Variants in MCTP1 observed in about 807,000 individuals in gnomAD.
MCTP1 encodes the protein multiple C2 and transmembrane domain containing 1.
In MCTP1, 69 loss-of-function variants were observed where a neutral mutation model predicts 120.6. The ratio of observed to expected loss-of-function variants is 0.57; its 90% confidence interval spans 0.47 to 0.70. The LOEUF (loss-of-function observed/expected upper bound fraction) is 0.70, where lower values mean the gene tolerates loss of function less well. MCTP1 is among the 30% of genes least tolerant of loss of function. The probability of loss-of-function intolerance (pLI) is 0.00; values close to 1 mark genes in which losing one functional copy is unlikely to be tolerated. For synonymous variants in MCTP1, 529 were observed against 493.1 expected (o/e 1.07, Z -0.96); for missense variants, 1,203 against 1,248.8 (o/e 0.96, Z 0.55).
At chr5:94,825,602 T>C (rs954058974) in intron 17 of MCTP1, among the ~76,000 whole-genome samples, 1 of 152,082 alleles carries the variant, frequency 6.6e-6, no homozygotes, top group African/African-American at 2.4e-5. Context: ...CCCTGTTAAT[T>C]TTCTGTCTCG....
At chr5:94,932,536 C>T (rs893033910) in intron 5 of MCTP1, among the ~76,000 whole-genome samples, 3 of 151,968 alleles carry the variant, frequency 2.0e-5, no homozygotes, top group African/African-American at 7.2e-5. Context: ...GAAAGCATAT[C>T]CTTTAAATTA....
intron 2 of MCTP1, among the ~76,000 whole-genome samples, chr5:94,957,808 C>G (rs1481713839): frequency 6.6e-6 from 1 of 152,188 alleles, no homozygotes; most frequent in African/African-American, 2.4e-5. Flanking sequence ...TAGACTCCCA[C>G]ACAATAATAG....
intron 1 of MCTP1, among the ~76,000 whole-genome samples, chr5:95,228,925 A>G (rs1392023925): frequency 1.3e-5 from 2 of 152,180 alleles, no homozygotes; most frequent in Non-Finnish European, 2.9e-5. Flanking sequence ...TGCTTCCTGT[A>G]CAGCGTGAAG....
At chr5:94,993,824 C>T (rs1400868270) in intron 2 of MCTP1, among the ~76,000 whole-genome samples, 1 of 152,130 alleles carries the variant, frequency 6.6e-6, no homozygotes, top group Non-Finnish European at 1.5e-5. Flanking sequence ...ATAAAATGTT[C>T]TTGGGAGTGA....
At chr5:94,926,416 A>T (rs1249193299) in intron 6 of MCTP1, among the ~76,000 whole-genome samples, 1 of 151,420 alleles carries the variant, frequency 6.6e-6, no homozygotes, top group African/African-American at 2.4e-5. Flanking sequence ...AATCATGTAT[A>T]TAAACTTTCC....
At chr5:94,757,306 C>A (rs10066070) in intron 19 of MCTP1, among the ~76,000 whole-genome samples, 7 of 151,908 alleles carry the variant, frequency 4.6e-5, no homozygotes, top group African/African-American at 1.7e-4. Flanking sequence ...CTTAGATAAA[C>A]GGAAAGAACA....
At chr5:94,903,097 T>G (rs1714767322) in intron 10 of MCTP1, among the ~76,000 whole-genome samples, 1 of 152,212 alleles carries the variant, frequency 6.6e-6, no homozygotes, top group South Asian at 2.1e-4. Flanking sequence ...AACTCCATTC[T>G]TTATTTAAAT....
chr5:95,078,031 TATCCATCCATCC>T (rs1011387309), intron 1 of MCTP1, among the ~76,000 whole-genome samples: 1 of 139,460 alleles, frequency 7.2e-6, no homozygotes, highest in Admixed American at 7.3e-5. Context: ...ATCATCCATC[TATCCATCCATCC>T]ATCCATCCAT....
In MCTP1 at chr5:94,755,138, C is replaced by T. The variant is rs773619330; in HGVS notation, c.2610+23972G>A. ...AGCCTCCCATCCTAACATTCACACT[C>T]ATAGCAGGTGACCATTTCTTTGTTT... On this transcript the variant is annotated intron_variant, in intron 19 of 22. Coordinates refer to ENST00000515393, the MANE Select transcript of MCTP1 (RefSeq NM_024717.7). Among the ~76,000 whole-genome samples the T allele has an allele frequency of 1.6e-4, 25 of 152,166 alleles. 1 individual carries two copies. The highest frequency in any genetic ancestry group is 1.6e-3 in the Admixed American group (24 of 15,268).
chr5:94,999,969 G>A (rs377662160), intron 2 of MCTP1, among the ~76,000 whole-genome samples: 23 of 152,304 alleles, frequency 1.5e-4, no homozygotes, highest in African/African-American at 4.3e-4. Context: ...GGACAGTGAA[G>A]CAGTCTTGGA....
At chr5:94,860,748 G>C (rs1795623852) in intron 17 of MCTP1, among the ~76,000 whole-genome samples, 1 of 151,384 alleles carries the variant, frequency 6.6e-6, no homozygotes. Context: ...CTTGAGCTGG[G>C]GCGGGGGGGA....
intron 1 of MCTP1, among the ~76,000 whole-genome samples, chr5:95,227,440 C>T (rs1394189054): frequency 6.6e-6 from 1 of 152,030 alleles, no homozygotes; most frequent in Non-Finnish European, 1.5e-5. Flanking sequence ...CGATGAAACC[C>T]AAGACAAAGC....
intron 17 of MCTP1, among the ~76,000 whole-genome samples, chr5:94,806,128 C>A (rs1160774891): frequency 1.3e-5 from 2 of 151,704 alleles, no homozygotes; most frequent in Admixed American, 1.3e-4. Context: ...TTTTTTCCCA[C>A]CATCTTACAC....
At chr5:95,169,656 T>C (rs1673622530) in intron 1 of MCTP1, among the ~76,000 whole-genome samples, 1 of 152,158 alleles carries the variant, frequency 6.6e-6, no homozygotes, top group Admixed American at 6.6e-5. Flanking sequence ...TTATCCATTT[T>C]TTCTAGATTT....
In MCTP1 at chr5:95,144,061, C is replaced by G. The variant is rs990563582; in HGVS notation, c.721-126577G>C. ...GAGTTCCCTTTTCTCTGCAGCCTAA[C>G]CAGCATCTACTATCTTTTGACTTTT... On this transcript the variant is annotated intron_variant, in intron 1 of 22. Transcript: ENST00000515393. Among the ~76,000 whole-genome samples the G allele has an allele frequency of 2.6e-5, 4 of 152,152 alleles. No individual in the cohort carries two copies. The East Asian group carries it at 7.7e-4, about 29-fold the overall frequency.
chr5:95,196,811 A>C (rs928434355), intron 1 of MCTP1, among the ~76,000 whole-genome samples: 2 of 152,340 alleles, frequency 1.3e-5, no homozygotes, highest in East Asian at 3.9e-4. Context: ...GAATCATTGA[A>C]TAGAATCACC....
chr5:95,081,760 T>C (rs1673817107), intron 1 of MCTP1: 1 of 1,163,066 alleles, frequency 8.6e-7, no homozygotes, highest in Admixed American at 4.4e-5. Flanking sequence ...TTAGTACAGA[T>C]TACATAACAA....
At chr5:94,966,722 G>A (rs1056684848) in intron 2 of MCTP1, among the ~76,000 whole-genome samples, 28 of 151,946 alleles carry the variant, frequency 1.8e-4, no homozygotes, top group Non-Finnish European at 3.5e-4. Context: ...GTGAACCTGG[G>A]AGACGGAGGT....
intron 2 of MCTP1, among the ~76,000 whole-genome samples, chr5:95,013,505 C>A (rs4404662): frequency 6.6e-6 from 1 of 151,994 alleles, no homozygotes; most frequent in African/African-American, 2.4e-5. Context: ...AGCTGGTGAC[C>A]TTAAGTTGAT....
Sources: gnomAD v4.1 joint callset for allele counts (sites outside exome capture counted in the v4.1 genomes callset) on GRCh38, gnomAD v4.1.1 for gene constraint, MANE v1.5 for transcripts, NCBI Gene and HGNC (gene_info 2026-07-23, HGNC 2026-07-21) for gene names.